The following MAGI2 variants were observed in gnomAD, a reference collection of about 807,000 sequenced individuals.
The protein encoded by MAGI2 is membrane associated guanylate kinase, WW and PDZ domain containing 2.
MAGI2 carries 35 observed loss-of-function variants against 133.3 expected under a neutral mutation model. The ratio of observed to expected loss-of-function variants is 0.26; its 90% CI spans 0.20 to 0.35. MAGI2 has a LOEUF of 0.35. MAGI2 is among the 10% of genes least tolerant of loss of function. MAGI2 has a pLI of 1.00. For missense variants in MAGI2, 1,636 were observed against 1,863.4 expected (o/e 0.88, Z 2.25); for synonymous variants, 729 against 710.6 (o/e 1.03, Z -0.41).
intron 1 of MAGI2, among the ~76,000 whole-genome samples, chr7:79,347,249 T>A (rs1841389532): frequency 6.6e-6 from 1 of 151,850 alleles, no homozygotes; most frequent in Admixed American, 6.6e-5. Context: ...CACGCTAAAA[T>A]CATAACCAAA....
chr7:78,638,342 T>C (rs2150982372), intron 2 of MAGI2, among the ~76,000 whole-genome samples: 1 of 152,316 alleles, frequency 6.6e-6, no homozygotes, highest in Middle Eastern at 3.4e-3. Context: ...ATTCATACAT[T>C]TGAATCATCA....
intron 3 of MAGI2, among the ~76,000 whole-genome samples, chr7:78,570,670 C>T (rs915045562): frequency 2.0e-5 from 3 of 152,046 alleles, no homozygotes; most frequent in Non-Finnish European, 4.4e-5. Context: ...TTGAGAAATG[C>T]TGGGCAAGAA....
At chr7:78,878,358 T>C (rs1307205447) in intron 2 of MAGI2, among the ~76,000 whole-genome samples, 1 of 152,214 alleles carries the variant, frequency 6.6e-6, no homozygotes, top group Non-Finnish European at 1.5e-5. Context: ...TTGTGAATTA[T>C]GTCCTGGGTC....
intron 3 of MAGI2, among the ~76,000 whole-genome samples, chr7:78,601,114 A>G (rs896348762): frequency 6.6e-5 from 10 of 152,182 alleles, no homozygotes; most frequent in African/African-American, 2.4e-4. Flanking sequence ...TTTTAGAGTA[A>G]AACAAATGTG....
chr7:78,676,315 T>C (rs1585053192), intron 2 of MAGI2, among the ~76,000 whole-genome samples: 2 of 152,292 alleles, frequency 1.3e-5, no homozygotes, highest in South Asian at 2.1e-4. Context: ...AATACCTCAG[T>C]GCTCAAGACA....
chr7:78,030,675 T>A (rs959169712), intron 21 of MAGI2, among the ~76,000 whole-genome samples: 1 of 152,154 alleles, frequency 6.6e-6, no homozygotes, highest in African/African-American at 2.4e-5. Context: ...AAAACTACAA[T>A]GAGATACCAC....
intron 2 of MAGI2, among the ~76,000 whole-genome samples, chr7:78,948,702 A>G (rs1057130313): frequency 2.0e-5 from 3 of 152,182 alleles, no homozygotes; most frequent in Non-Finnish European, 4.4e-5. Flanking sequence ...TTCTATAAAT[A>G]GTAAATGTAG....
intron 1 of MAGI2, among the ~76,000 whole-genome samples, chr7:79,321,280 G>T (rs1470594339): frequency 6.6e-6 from 1 of 152,000 alleles, no homozygotes; most frequent in East Asian, 1.9e-4. Flanking sequence ...GACCACTAGG[G>T]CCTTGGTTTT....
At chr7:79,018,371 C>A (rs1400331027) in intron 1 of MAGI2, among the ~76,000 whole-genome samples, 2 of 152,080 alleles carry the variant, frequency 1.3e-5, no homozygotes, top group African/African-American at 2.4e-5. Context: ...ACTATCAGAC[C>A]TGCCTTTCAA....
intron 1 of MAGI2, among the ~76,000 whole-genome samples, chr7:79,116,594 A>T (rs988928423): frequency 6.6e-6 from 1 of 152,060 alleles, no homozygotes; most frequent in East Asian, 1.9e-4. Flanking sequence ...TATTCCAGGG[A>T]TGTGGTTTGG....
chr7:78,160,391 T>C, intron 15 of MAGI2, 118 bp from the exon 16 acceptor site: 1 of 1,086,690 alleles, frequency 9.2e-7, no homozygotes, highest in Non-Finnish European at 1.2e-6. Context: ...TTGAACTGCT[T>C]CTCTTTCTCC....
intron 3 of MAGI2, among the ~76,000 whole-genome samples, chr7:78,556,748 C>T (rs1215554889): frequency 6.6e-6 from 1 of 152,116 alleles, no homozygotes; most frequent in Non-Finnish European, 1.5e-5. Flanking sequence ...CTTCTCTTTC[C>T]TGTGTGAAAG....
Position 79,143,656 on chromosome 7 carries a change from A to C in MAGI2, c.302-136450T>G, listed in dbSNP as rs192266563. 2.0e-3 allele frequency among the ~76,000 whole-genome samples: 311 copies of C among 152,336 alleles called. 5 individuals carry two copies. Among genetic ancestry groups the C allele is most frequent in the Non-Finnish European group, 1.1e-3 (75 of 68,022 alleles). On this transcript the variant is annotated intron_variant, in intron 1 of 21. Coordinates refer to ENST00000354212, the MANE Select transcript of MAGI2 (RefSeq NM_012301.4). ...TGGCCTAAAGCAGGAACCAGTGTATAATTGCTTTTAAGAGTTTTGTTAGAT... is the reference window on the plus strand; with the variant it reads ...TGGCCTAAAGCAGGAACCAGTGTATCATTGCTTTTAAGAGTTTTGTTAGAT...
intron 6 of MAGI2, among the ~76,000 whole-genome samples, chr7:78,397,814 T>C (rs1266608651): frequency 1.3e-5 from 2 of 152,278 alleles, no homozygotes; most frequent in East Asian, 1.9e-4. Context: ...AGTAGTTCCA[T>C]ACGATTCCAG....
chr7:78,465,135 G>A (rs527420720), intron 6 of MAGI2, among the ~76,000 whole-genome samples: 2 of 152,190 alleles, frequency 1.3e-5, no homozygotes, highest in South Asian at 4.1e-4. Context: ...AGTTTTCTGT[G>A]TCCTCAGCGT....
At chr7:79,292,320 T>A (rs1203192203) in intron 1 of MAGI2, among the ~76,000 whole-genome samples, 1 of 152,074 alleles carries the variant, frequency 6.6e-6, no homozygotes, top group East Asian at 1.9e-4. Flanking sequence ...ACTGTATCTT[T>A]GTAGCAAGTT....
intron 9 of MAGI2, among the ~76,000 whole-genome samples, chr7:78,264,798 C>T (rs1368772775): frequency 1.3e-5 from 2 of 152,172 alleles, no homozygotes; most frequent in South Asian, 4.1e-4. Context: ...AGAGTTCCTA[C>T]ATCTGATGAA....
chr7:79,300,332 A>G (rs998474247), intron 1 of MAGI2, among the ~76,000 whole-genome samples: 1 of 152,190 alleles, frequency 6.6e-6, no homozygotes, highest in South Asian at 2.1e-4. Context: ...CTCAGATTGA[A>G]ATGAGAAATC....
intron 1 of MAGI2, among the ~76,000 whole-genome samples, chr7:79,048,727 A>C (rs935430687): frequency 6.6e-6 from 1 of 152,116 alleles, no homozygotes; most frequent in African/African-American, 2.4e-5. Context: ...TAATCCCAGC[A>C]CTTTGGGAAG....
Sources: gnomAD v4.1 joint callset for allele counts (sites outside exome capture counted in the v4.1 genomes callset) on GRCh38, gnomAD v4.1.1 for gene constraint, MANE v1.5 for transcripts, NCBI Gene and HGNC (gene_info 2026-07-23, HGNC 2026-07-21) for gene names.